PRKG1: variants seen among roughly 807,000 people sequenced by gnomAD.
PRKG1 encodes the protein cGMP-dependent protein kinase 1.
Under a neutral mutation model 88.1 loss-of-function variants are expected in PRKG1, and 35 were observed. The ratio of observed to expected loss-of-function variants is 0.40; its 90% CI spans 0.30 to 0.53. PRKG1 has a LOEUF of 0.53. PRKG1 is among the 20% of genes least tolerant of loss of function. The pLI, the probability that PRKG1 is intolerant of heterozygous loss-of-function variation, is 0.59. For missense variants in PRKG1, 540 were observed against 839.8 expected, an observed-to-expected ratio of 0.64 and a Z score of 4.41; for synonymous variants, 303 against 292.5, an observed-to-expected ratio of 1.04 and a Z score of -0.37.
intron 4 of PRKG1, among the ~76,000 whole-genome samples, chr10:51,869,973 T>C (rs1271314184): frequency 6.6e-6 from 1 of 152,186 alleles, no homozygotes; most frequent in Non-Finnish European, 1.5e-5. Context: ...TCAGTTACCT[T>C]ACAAAGAAAA....
At chr10:52,219,505 A>G (rs1309461408) in intron 9 of PRKG1, among the ~76,000 whole-genome samples, 2 of 152,192 alleles carry the variant, frequency 1.3e-5, no homozygotes, top group African/African-American at 2.4e-5. Context: ...ATAAGCTTTT[A>G]TCCATGGTTG....
intron 5 of PRKG1, among the ~76,000 whole-genome samples, chr10:51,976,776 A>C (rs1301582194): frequency 6.6e-6 from 1 of 152,020 alleles, no homozygotes; most frequent in Non-Finnish European, 1.5e-5. Flanking sequence ...TTATATCTCA[A>C]TGAAGAAAAC....
chr10:52,267,488 A>G (rs1841606332), intron 10 of PRKG1, among the ~76,000 whole-genome samples: 1 of 152,082 alleles, frequency 6.6e-6, no homozygotes, highest in African/African-American at 2.4e-5. Flanking sequence ...TTGTAAAAGC[A>G]AGGTATGAGG....
At chr10:51,269,413 A>G (rs1477132270) in intron 2 of PRKG1, among the ~76,000 whole-genome samples, 1 of 152,224 alleles carries the variant, frequency 6.6e-6, no homozygotes, top group African/African-American at 2.4e-5. Flanking sequence ...GCACATGCAC[A>G]TGCATGTTTA....
intron 2 of PRKG1, among the ~76,000 whole-genome samples, chr10:51,390,849 G>GGTAACA (rs1318854893): frequency 1.3e-5 from 2 of 151,332 alleles, no homozygotes; most frequent in Non-Finnish European, 3.0e-5. Context: ...TTACCTACAG[G>GGTAACA]GTAGAGGCCA....
intron 4 of PRKG1, among the ~76,000 whole-genome samples, chr10:51,877,393 C>G (rs1354836591): frequency 6.6e-6 from 1 of 152,106 alleles, no homozygotes; most frequent in Non-Finnish European, 1.5e-5. Flanking sequence ...ACTTTCCCAT[C>G]AAGTAAGTGC....
At chr10:52,048,056 T>A (rs748122233) in intron 5 of PRKG1, among the ~76,000 whole-genome samples, 34 of 152,106 alleles carry the variant, frequency 2.2e-4, no homozygotes, top group Non-Finnish European at 4.1e-4. Flanking sequence ...TTATACTTAT[T>A]GCAGCTATTT....
At chr10:51,731,068 A>G (rs993482860) in intron 3 of PRKG1, among the ~76,000 whole-genome samples, 1 of 152,120 alleles carries the variant, frequency 6.6e-6, no homozygotes, top group Non-Finnish European at 1.5e-5. Flanking sequence ...AGGCAGGAGA[A>G]TTGCTTGAAC....
intron 3 of PRKG1, chr10:51,698,084 G>A: frequency 1.9e-6 from 3 of 1,614,020 alleles, no homozygotes; most frequent in Non-Finnish European, 2.5e-6. Context: ...GGGTCCCTGA[G>A]GAGGGCCACC....
intron 2 of PRKG1, among the ~76,000 whole-genome samples, chr10:51,448,548 T>C (rs534623131): frequency 6.6e-6 from 1 of 152,224 alleles, no homozygotes; most frequent in East Asian, 1.9e-4. Context: ...CTGATCCTTA[T>C]TCATTTATTC....
At position 51,210,165 on chromosome 10, in the gene PRKG1, T is replaced by C. The variant is rs1471632275; in HGVS notation, c.478+56835T>C. Among the ~76,000 whole-genome samples the C allele has an allele frequency of 3.3e-5, 5 of 152,002 alleles. No individual in the cohort carries two copies. In the East Asian group the frequency reaches 7.7e-4, roughly 23 times the overall value. ...TAGAACTCAGGATTAAGAAACTCAC[T>C]CAAAACCACTCAACTGCATGGAAAC... On this transcript the variant is annotated intron_variant, in intron 2 of 17. Coordinates refer to ENST00000373980, the MANE Select transcript of PRKG1 (RefSeq NM_006258.4).
chr10:51,901,067 G>C (rs1348114956), intron 4 of PRKG1, among the ~76,000 whole-genome samples: 1 of 152,212 alleles, frequency 6.6e-6, no homozygotes, highest in Admixed American at 6.5e-5. Flanking sequence ...AACTAGTATA[G>C]TTTGGTGTTA....
intron 1 of PRKG1, among the ~76,000 whole-genome samples, chr10:51,116,755 G>T (rs1027293544): frequency 3.3e-5 from 5 of 152,142 alleles, no homozygotes; most frequent in African/African-American, 4.8e-5. Flanking sequence ...TGATGGGAGA[G>T]AGGGTGGAAG....
chr10:51,692,650 A>AT (rs974806809), intron 3 of PRKG1, among the ~76,000 whole-genome samples: 4 of 152,056 alleles, frequency 2.6e-5, no homozygotes, highest in African/African-American at 7.2e-5. Flanking sequence ...TAATTTTTAC[A>AT]TTTTTTGTAG....
chr10:52,038,609 T>C lies in PRKG1; in HGVS notation c.763-15875T>C, dbSNP rs1163695078. ...CTCCCCCAGAAAAGCAGAGAAGGGGTAGAGACAAGGAGAGAAGGGGTTGAG... is the reference window on the plus strand; with the variant it reads ...CTCCCCCAGAAAAGCAGAGAAGGGGCAGAGACAAGGAGAGAAGGGGTTGAG... On this transcript the variant is annotated intron_variant, in intron 5 of 17. Transcript: ENST00000373980. 2.0e-5 allele frequency among the ~76,000 whole-genome samples: 3 copies of C among 151,534 alleles called. No homozygotes were observed. In the East Asian group the frequency reaches 5.8e-4, roughly 30 times the overall value.
At chr10:51,327,762 T>A (rs1266723638) in intron 2 of PRKG1, among the ~76,000 whole-genome samples, 1 of 152,234 alleles carries the variant, frequency 6.6e-6, no homozygotes, top group Non-Finnish European at 1.5e-5. Flanking sequence ...TATATAAATA[T>A]GTCTAAACAT....
chr10:51,048,314 C>G (rs188875543), intron 1 of PRKG1, among the ~76,000 whole-genome samples: 1 of 152,070 alleles, frequency 6.6e-6, no homozygotes, highest in East Asian at 1.9e-4. Flanking sequence ...CTCTCTCCCC[C>G]TTTCTCCCTC....
intron 1 of PRKG1, among the ~76,000 whole-genome samples, chr10:51,018,286 C>A (rs989634179): frequency 6.6e-5 from 10 of 152,032 alleles, no homozygotes; most frequent in African/African-American, 2.4e-4. Flanking sequence ...TTAAAAGTGT[C>A]ATTTTCTTCT....
intron 3 of PRKG1, among the ~76,000 whole-genome samples, chr10:51,596,649 C>T (rs1379779611): frequency 2.0e-5 from 3 of 152,162 alleles, no homozygotes; most frequent in South Asian, 4.1e-4. Context: ...TGTTGTCCAG[C>T]GTAGTATATT....
Sources: gnomAD v4.1 joint callset for allele counts (sites outside exome capture counted in the v4.1 genomes callset) on GRCh38, gnomAD v4.1.1 for gene constraint, MANE v1.5 for transcripts, NCBI Gene and HGNC (gene_info 2026-07-23, HGNC 2026-07-21) for gene names.